UBE2G1: variants seen among roughly 807,000 people sequenced by gnomAD.
UBE2G1 encodes the protein ubiquitin-conjugating enzyme E2 G1.
A neutral mutation model predicts 22.7 loss-of-function variants in UBE2G1; 5 were observed. The ratio of observed to expected loss-of-function variants is 0.22; its 90% CI spans 0.12 to 0.46. The LOEUF (loss-of-function observed/expected upper bound fraction) is 0.46, where lower values mean the gene tolerates loss of function less well. Ranked by LOEUF, UBE2G1 falls within the 20% of genes least tolerant of loss-of-function variation. UBE2G1 has a pLI of 0.99. For missense variants in UBE2G1, 88 were observed against 203.9 expected (o/e 0.43, Z 3.46); for synonymous variants, 74 against 67.5 (o/e 1.10, Z -0.47).
chr17:4,288,177 T>C (rs1968991632), intron 4 of UBE2G1, among the ~76,000 whole-genome samples: 1 of 152,236 alleles, frequency 6.6e-6, no homozygotes, highest in Non-Finnish European at 1.5e-5. Flanking sequence ...AATACATTTT[T>C]TTCTATAGAT....
intron 1 of UBE2G1, among the ~76,000 whole-genome samples, chr17:4,317,640 A>C (rs554568702): frequency 1.3e-5 from 2 of 152,354 alleles, no homozygotes; most frequent in South Asian, 4.1e-4. Flanking sequence ...AGAATTTGTC[A>C]ATATGCTTCC....
At position 4,291,167 on chromosome 17, in the gene UBE2G1, C is replaced by T. The variant is rs375102506; in HGVS notation, c.248-1759G>A. On this transcript the variant is annotated intron_variant, in intron 3 of 5. Transcript: ENST00000396981. ...CCTGCGGTCAGGAGTTTGAGGCCAGCCTGGCCAACATGGAGAAATCCCATC... is the reference window on the plus strand; with the variant it reads ...CCTGCGGTCAGGAGTTTGAGGCCAGTCTGGCCAACATGGAGAAATCCCATC... 7.6e-4 allele frequency among the ~76,000 whole-genome samples: 116 copies of T among 152,226 alleles called. 3 individuals are homozygous for T. In the East Asian group the frequency reaches 0.016, roughly 21 times the overall value.
intron 2 of UBE2G1, chr17:4,301,508 C>G: frequency 1.0e-6 from 1 of 985,146 alleles, no homozygotes; most frequent in Non-Finnish European, 1.6e-6. Context: ...ATAAACGGAA[C>G]AGGCAGGTGA....
intron 4 of UBE2G1, 101 bp downstream of exon 4, chr17:4,289,129 A>ACG: frequency 1.1e-6 from 1 of 933,152 alleles, no homozygotes; most frequent in Non-Finnish European, 1.5e-6. Flanking sequence ...ACACACACAC[A>ACG]CGCATGCATA....
At chr17:4,318,592 C>T (rs1215313266) in intron 1 of UBE2G1, among the ~76,000 whole-genome samples, 1 of 152,170 alleles carries the variant, frequency 6.6e-6, no homozygotes, top group Non-Finnish European at 1.5e-5. Context: ...TCCTTTTTGT[C>T]TAAATTTATT....
intron 1 of UBE2G1, among the ~76,000 whole-genome samples, chr17:4,347,329 C>T (rs1407320547): frequency 6.6e-6 from 1 of 152,080 alleles, no homozygotes; most frequent in African/African-American, 2.4e-5. Flanking sequence ...ACAGGCACAT[C>T]TTGTTTTAAT....
At chr17:4,316,365 T>G (rs890044143) in intron 1 of UBE2G1, among the ~76,000 whole-genome samples, 1 of 152,156 alleles carries the variant, frequency 6.6e-6, no homozygotes, top group Non-Finnish European at 1.5e-5. Flanking sequence ...CAGTACATAA[T>G]TACTCCTAAC....
chr17:4,298,318 A>G (rs947200359), intron 2 of UBE2G1, among the ~76,000 whole-genome samples: 2 of 152,188 alleles, frequency 1.3e-5, no homozygotes, highest in Non-Finnish European at 2.9e-5. Context: ...GAAAAGAAAA[A>G]AGAAAAGAAA....
intron 3 of UBE2G1, among the ~76,000 whole-genome samples, chr17:4,291,516 A>G (rs1969041557): frequency 6.6e-6 from 1 of 152,160 alleles, no homozygotes; most frequent in Non-Finnish European, 1.5e-5. Context: ...ATGCTATTAA[A>G]TATGTGTACA....
At chr17:4,365,287 G>C (rs1400363604) in intron 1 of UBE2G1, among the ~76,000 whole-genome samples, 1 of 152,214 alleles carries the variant, frequency 6.6e-6, no homozygotes, top group Non-Finnish European at 1.5e-5. Context: ...GCAGCACGTG[G>C]GGCTGCATTG....
chr17:4,278,634 A>C (rs575271220), intron 5 of UBE2G1, among the ~76,000 whole-genome samples: 2 of 152,314 alleles, frequency 1.3e-5, no homozygotes, highest in South Asian at 4.1e-4. Flanking sequence ...GGTGTGATGT[A>C]TATTTAATTC....
intron 1 of UBE2G1, among the ~76,000 whole-genome samples, chr17:4,345,392 T>C (rs1969756922): frequency 6.6e-6 from 1 of 152,234 alleles, no homozygotes; most frequent in African/African-American, 2.4e-5. Flanking sequence ...ATTGTTCCAC[T>C]TTCATTCTAT....
intron 1 of UBE2G1, among the ~76,000 whole-genome samples, chr17:4,335,511 G>C (rs1017850725): frequency 6.6e-6 from 1 of 152,086 alleles, no homozygotes; most frequent in African/African-American, 2.4e-5. Context: ...GAACATAAGA[G>C]CACTCAAACA....
intron 1 of UBE2G1, among the ~76,000 whole-genome samples, chr17:4,353,140 C>G (rs925852308): frequency 2.6e-5 from 4 of 152,002 alleles, no homozygotes; most frequent in African/African-American, 9.7e-5. Flanking sequence ...ATTGCTTGAA[C>G]CCAGGAGGCG....
chr17:4,362,082 A>C (rs573880558), intron 1 of UBE2G1, among the ~76,000 whole-genome samples: 1 of 152,062 alleles, frequency 6.6e-6, no homozygotes, highest in Admixed American at 6.6e-5. Flanking sequence ...ACCAATGCTT[A>C]TAATACCTTT....
At chr17:4,338,701 T>C (rs1208655181) in intron 1 of UBE2G1, among the ~76,000 whole-genome samples, 2 of 152,256 alleles carry the variant, frequency 1.3e-5, no homozygotes, top group Non-Finnish European at 2.9e-5. Flanking sequence ...GCAGTATGCA[T>C]GCTTCAACTC....
intron 1 of UBE2G1, among the ~76,000 whole-genome samples, chr17:4,359,936 T>C (rs534417422): frequency 6.6e-6 from 1 of 152,312 alleles, no homozygotes; most frequent in South Asian, 2.1e-4. Context: ...GGAAAAAGTT[T>C]AGAATGTTTT....
intron 1 of UBE2G1, among the ~76,000 whole-genome samples, chr17:4,334,539 A>G (rs1262274571): frequency 6.6e-6 from 1 of 150,614 alleles, no homozygotes; most frequent in Non-Finnish European, 1.5e-5. Context: ...ATGTGGTTTT[A>G]CCTGTTTGTT....
intron 1 of UBE2G1, among the ~76,000 whole-genome samples, chr17:4,332,879 A>G (rs576974675): frequency 1.3e-3 from 194 of 151,078 alleles, no homozygotes; most frequent in African/African-American, 4.6e-3. Context: ...CACACTCCTT[A>G]TTTTATCCTC....
Sources: allele counts gnomAD v4.1 joint callset (sites outside exome capture counted in the v4.1 genomes callset), GRCh38; gene constraint gnomAD v4.1.1; transcripts MANE v1.5; gene names NCBI Gene and HGNC (gene_info 2026-07-23, HGNC 2026-07-21).